SZT2: variants seen among roughly 807,000 people sequenced by gnomAD.
SZT2 encodes KICSTOR complex protein SZT2.
Under a neutral mutation model 404.2 loss-of-function variants are expected in SZT2, and 216 were observed. The ratio of observed to expected loss-of-function variants is 0.53; its 90% confidence interval spans 0.48 to 0.60. The LOEUF (loss-of-function observed/expected upper bound fraction) is 0.60, where lower values mean the gene tolerates loss of function less well. Ranked by LOEUF, SZT2 falls within the 20% of genes least tolerant of loss-of-function variation. The pLI, the probability that SZT2 is intolerant of heterozygous loss-of-function variation, is 0.00. For missense variants in SZT2, 3,857 were observed against 4,459.2 expected (o/e 0.86, Z 3.85); for synonymous variants, 1,693 against 1,749.9 (o/e 0.97, Z 0.81).
intron 46 of SZT2, 130 bp downstream of exon 46, chr1:43,438,032 T>A: frequency 1.1e-6 from 1 of 878,082 alleles, no homozygotes; most frequent in Non-Finnish European, 1.8e-6. Context: ...TGACACATGT[T>A]AAGTGAGCCA....
At chr1:43,401,901 A>G (rs1649734951) in intron 1 of SZT2, among the ~76,000 whole-genome samples, 1 of 151,814 alleles carries the variant, frequency 6.6e-6, no homozygotes, top group Non-Finnish European at 1.5e-5. Context: ...CTCTTTCTGT[A>G]TCTTTTTACC....
At chr1:43,435,445 T>A in intron 42 of SZT2, 116 bp downstream of exon 42, 1 of 1,192,262 alleles carries the variant, frequency 8.4e-7, no homozygotes, top group Non-Finnish European at 1.2e-6. Flanking sequence ...CAGTGCCAAG[T>A]ACTAGAGAGA....
intron 1 of SZT2, among the ~76,000 whole-genome samples, chr1:43,399,386 A>T (rs1420868184): frequency 6.6e-6 from 1 of 151,428 alleles, no homozygotes; most frequent in Non-Finnish European, 1.5e-5. Context: ...GAGTAGCTCT[A>T]GTCTAAGCCA....
intron 34 of SZT2, 25 bp from the exon 35 acceptor site, chr1:43,431,435 A>G (rs370320067): frequency 1.1e-5 from 17 of 1,613,962 alleles, no homozygotes; most frequent in African/African-American, 9.3e-5. Flanking sequence ...CTGGAAACCA[A>G]TATCTAAACC....
At chr1:43,415,389 T>TC (rs1651584580) in intron 5 of SZT2, among the ~76,000 whole-genome samples, 176 bp downstream of exon 5, 1 of 152,206 alleles carries the variant, frequency 6.6e-6, no homozygotes, top group African/African-American at 2.4e-5. Flanking sequence ...TCAGATATAC[T>TC]CCCCAAAACA....
chr1:43,416,542 C>G lies in SZT2; in HGVS notation c.780C>G (p.Ile260Met). ...TGGTGTTTCCTGCTCCAGGGATTAT[C>G]GTGATCACGGATGGGGTGACCAGTG... ...LLPSNSSAGI[I>M]VITDGVTSVP... The change falls in exon 7 of 72, where the codon ATC becomes ATG. Residue 260 changes from isoleucine to methionine, a missense_variant. Physicochemically the swap from Ile to Met is conservative, Grantham distance 10 (BLOSUM62 1). Coordinates refer to ENST00000634258, the MANE Select transcript of SZT2 (RefSeq NM_001365999.1). 6.3e-7 allele frequency: 1 copy of G among 1,598,088 alleles called. No individual in the cohort carries two copies. The highest frequency in any genetic ancestry group is 2.2e-5 in the East Asian group (1 of 44,874).
chr1:43,423,058 G>A (rs1024654915), intron 14 of SZT2, 41 bp from the exon 15 acceptor site: 50 of 1,544,662 alleles, frequency 3.2e-5, no homozygotes, highest in Non-Finnish European at 4.1e-5. Flanking sequence ...CAGACCTGTA[G>A]GAGATGGGAG....
Position 43,439,112 on chromosome 1 carries a change from C to G in SZT2, c.6792+19C>G. 6.2e-7 allele frequency: 1 copy of G among 1,613,936 alleles called. No homozygotes were observed. The highest frequency in any genetic ancestry group is 1.3e-5 in the African/African-American group (1 of 75,072). ...CTTCCAAGTGAGATGGCACTCATCT[C>G]TCTCCACACTCATGTGCACCCCTGC... is the stretch of plus-strand genomic sequence containing the variant. On this transcript the variant is annotated intron_variant, in intron 48 of 71. Transcript: ENST00000634258. The surrounding 1 kb of genome is among the most constrained non-coding windows in gnomAD (Gnocchi z 4.2).
intron 7 of SZT2, among the ~76,000 whole-genome samples, chr1:43,418,050 C>G (rs1479042770): frequency 2.0e-5 from 3 of 152,092 alleles, no homozygotes; most frequent in African/African-American, 7.2e-5. Context: ...GAAAAGTGCC[C>G]TTTGGATTTG....
At chr1:43,410,763 A>G (rs530344469) in intron 4 of SZT2, among the ~76,000 whole-genome samples, 52 of 152,148 alleles carry the variant, frequency 3.4e-4, no homozygotes, top group Non-Finnish European at 6.6e-4. Context: ...AACTCACAAA[A>G]CAAAGGAAAC....
chr1:43,431,109 TG>T lies in SZT2; in HGVS notation c.4916+25del, dbSNP rs1214562450. The T allele has an allele frequency of 3.1e-6, 5 of 1,610,106 alleles. No homozygotes were observed. Among genetic ancestry groups the T allele is most frequent in the African/African-American group, 1.3e-5 (1 of 74,690 alleles). ...ACCACCGGTGTGGCAGCAAGTTTGGTGGGGGGTTTGGGACCTTTTTAGGGTA... is the reference window on the plus strand; with the variant it reads ...ACCACCGGTGTGGCAGCAAGTTTGGTGGGGGTTTGGGACCTTTTTAGGGTA... On this transcript the variant is annotated intron_variant, in intron 33 of 71. Coordinates refer to ENST00000634258, the MANE Select transcript of SZT2 (RefSeq NM_001365999.1).
chr1:43,390,025 C>T (rs1648085148), intron 1 of SZT2, 30 bp downstream of exon 1: 2 of 1,377,970 alleles, frequency 1.5e-6, no homozygotes, highest in Non-Finnish European at 1.9e-6. Flanking sequence ...AGCACTGGGC[C>T]CCGAGATCCG....
Position 43,448,755 on chromosome 1 carries a change from A to G in SZT2, c.10086+27A>G. 2 of 1,597,696 alleles carry G rather than the reference A, an allele frequency of 1.3e-6. No homozygotes were observed. Among genetic ancestry groups the G allele is most frequent in the Non-Finnish European group, 1.7e-6 (2 of 1,165,264 alleles). Reference sequence around the variant, plus strand: ...TAAGTCCCCTTGAGCTTCCTCTGAAAAGGGAAACACAGCAGAAATCCTCAC... The same window carrying G: ...TAAGTCCCCTTGAGCTTCCTCTGAAGAGGGAAACACAGCAGAAATCCTCAC... On this transcript the variant is annotated intron_variant, in intron 70 of 71. Transcript: ENST00000634258. This position sits in a 1 kb window ranked among gnomAD's most constrained non-coding sequence, Gnocchi z 4.2.
chr1:43,443,665 G>T lies in SZT2; in HGVS notation c.8694G>T (p.Val2898=). The part of the protein sequence containing the change: ...EAPTSCESLD[V]SPPGAREEPW... Reference sequence around the variant, plus strand: ...CCACAAGCTGTGAATCCTTGGATGTGTCGCCCCCGGGAGCCCGTGAGGAGC... The same window carrying T: ...CCACAAGCTGTGAATCCTTGGATGTTTCGCCCCCGGGAGCCCGTGAGGAGC... The change falls in exon 62 of 72, where the codon GTG becomes GTT. Residue 2898 remains valine, a synonymous_variant. Coordinates refer to ENST00000634258, the MANE Select transcript of SZT2 (RefSeq NM_001365999.1). The T allele has an allele frequency of 1.2e-6, 2 of 1,614,244 alleles. No homozygotes were observed. The highest frequency in any genetic ancestry group is 1.7e-6 in the Non-Finnish European group (2 of 1,180,050).
At chr1:43,415,849 A>G in intron 5 of SZT2, 111 bp from the exon 6 acceptor site, 4 of 1,287,170 alleles carry the variant, frequency 3.1e-6, no homozygotes, top group Non-Finnish European at 4.2e-6. Flanking sequence ...AGGTTCTCAC[A>G]GGATTCGGCC....
rs373896334 is a variant in SZT2, at chr1:43,425,232, C to T, written c.2645+25C>T. The T allele has an allele frequency of 3.8e-5, 61 of 1,611,888 alleles. No individual in the cohort carries two copies. Among genetic ancestry groups the T allele is most frequent in the African/African-American group, 2.5e-4 (19 of 75,002 alleles). On this transcript the variant is annotated intron_variant, in intron 18 of 71. Coordinates refer to ENST00000634258, the MANE Select transcript of SZT2 (RefSeq NM_001365999.1). The surrounding 1 kb of genome is among the most constrained non-coding windows in gnomAD (Gnocchi z 4.3). Reference sequence around the variant, plus strand: ...GGTGAGACAGGCCATCTGTGAGGGCCGCCTCTGCAGAGTCAGCCTTCTCCC... The same window carrying T: ...GGTGAGACAGGCCATCTGTGAGGGCTGCCTCTGCAGAGTCAGCCTTCTCCC...
rs925863267 is a variant in SZT2 at position 43,440,340 on chromosome 1, CACTG to C, written c.7211-110_7211-107del. On this transcript the variant is annotated intron_variant, in intron 51 of 71. Coordinates refer to ENST00000634258, the MANE Select transcript of SZT2 (RefSeq NM_001365999.1). ...ACTATCAGTTGTATATACTGTCATT[CACTG>C]ACAGGTAGAATAGGTGGCAAGTCAC... is the stretch of plus-strand genomic sequence containing the variant. 4 of 1,412,574 alleles carry C rather than the reference CACTG, an allele frequency of 2.8e-6. No homozygotes were observed. The African/African-American group carries it at 5.8e-5, about 20-fold the overall frequency. 87.5% of individuals were successfully genotyped at this position (1,412,574 alleles called of 1,614,324 possible).
Position 43,425,178 on chromosome 1 carries a change from C to G in SZT2, c.2616C>G (p.Phe872Leu). Residue 872 changes from phenylalanine (F) to leucine (L), a missense_variant, in exon 18 of 72, where the codon TTC becomes TTG. Physicochemically the swap from Phe to Leu is conservative, Grantham distance 22. Transcript: ENST00000634258. The surrounding 1 kb of genome is among the most constrained non-coding windows in gnomAD (Gnocchi z 4.3). ...KHTCVVQYIL[F>L]PPHSTSTKDS... ...CCTGTGTTGTCCAGTACATCCTCTT[C>G]CCCCCACACTCTACCTCCACCAAAG... The G allele has an allele frequency of 6.2e-7, 1 of 1,614,142 alleles. No individual in the cohort carries two copies. The highest frequency in any genetic ancestry group is 8.5e-7 in the Non-Finnish European group (1 of 1,180,006).
Position 43,416,537 on chromosome 1 carries a change from A to G in SZT2, c.775A>G (p.Ile259Val). The stretch of plus-strand genomic sequence containing the variant: ...TGATCTGGTGTTTCCTGCTCCAGGG[A>G]TTATCGTGATCACGGATGGGGTGAC... Reference protein sequence around the residue: ...QLLPSNSSAGIIVITDGVTSV... With the variant: ...QLLPSNSSAGVIVITDGVTSV... Residue 259 changes from isoleucine (I) to valine (V), a missense_variant and splice_region_variant, in exon 7 of 72, where the codon ATT becomes GTT. By Grantham distance (29) the Ile-to-Val change is conservative. This residue lies in a region of SZT2 where 536 missense variants were observed against 637.4 expected (regional missense o/e 0.84). Coordinates refer to ENST00000634258, the MANE Select transcript of SZT2 (RefSeq NM_001365999.1). 4 of 1,597,916 alleles carry G rather than the reference A, an allele frequency of 2.5e-6. No homozygotes were observed. Among genetic ancestry groups the G allele is most frequent in the Non-Finnish European group, 3.4e-6 (4 of 1,179,592 alleles).
Sources: gnomAD v4.1 joint callset for allele counts (sites outside exome capture counted in the v4.1 genomes callset) on GRCh38, gnomAD v4.1.1 for gene constraint, gnomAD v4.1.1 regional missense constraint, Gnocchi (gnomAD v3.1) non-coding constraint, MANE v1.5 for transcripts, NCBI Gene and HGNC (gene_info 2026-07-23, HGNC 2026-07-21) for gene names.